The following ALG5 variants were observed in gnomAD, a reference collection of about 807,000 sequenced individuals.
ALG5 encodes the protein dolichyl-phosphate beta-glucosyltransferase.
ALG5 carries 26 observed loss-of-function variants against 51.8 expected under a neutral mutation model. The observed-to-expected ratio is 0.50, with a 90% CI of 0.37 to 0.70. ALG5 has a LOEUF of 0.70. Among genes scored for constraint, ALG5 ranks in the 30% least tolerant of loss-of-function variants. The pLI is 0.00. For missense variants in ALG5, 311 were observed against 399.3 expected (o/e 0.78, Z 1.88); for synonymous variants, 141 against 136.1 (o/e 1.04, Z -0.25).
At chr13:36,988,055 G>C (rs1464866387) in intron 5 of ALG5, among the ~76,000 whole-genome samples, 1 of 152,086 alleles carries the variant, frequency 6.6e-6, no homozygotes, top group Non-Finnish European at 1.5e-5. Flanking sequence ...TCCCCGTCTA[G>C]GCTCCCTGCC....
rs564096429 is a variant in ALG5 at position 36,956,637 on chromosome 13, T to C, written c.774-4038A>G. Among the ~76,000 whole-genome samples, 21 of 152,248 alleles carry C rather than the reference T, an allele frequency of 1.4e-4. No homozygotes were observed. The South Asian group carries it at 3.1e-3, about 23-fold the overall frequency. ...TGTGGTATATGTACACAATGAAATATTATTCAGCCTTGGGCAACCTCCTTT... is the reference window on the plus strand; with the variant it reads ...TGTGGTATATGTACACAATGAAATACTATTCAGCCTTGGGCAACCTCCTTT... On this transcript the variant is annotated intron_variant, in intron 8 of 9. Coordinates refer to ENST00000239891, the MANE Select transcript of ALG5 (RefSeq NM_013338.5).
chr13:36,981,428 C>T (rs560974973), intron 6 of ALG5, among the ~76,000 whole-genome samples: 1 of 152,242 alleles, frequency 6.6e-6, no homozygotes, highest in Non-Finnish European at 1.5e-5. Flanking sequence ...CTATTTCAGT[C>T]GCTATTTTTA....
At chr13:36,961,478 G>C (rs2058866566) in intron 8 of ALG5, among the ~76,000 whole-genome samples, 1 of 152,182 alleles carries the variant, frequency 6.6e-6, no homozygotes, top group African/African-American at 2.4e-5. Context: ...GTAACCTAGA[G>C]ATGATTTAAA....
intron 4 of ALG5, 144 bp downstream of exon 4, chr13:36,993,460 G>A (rs1593686885): frequency 1.5e-6 from 1 of 668,682 alleles, no homozygotes. Flanking sequence ...AATGAAATCT[G>A]TTTTTTCTGC....
chr13:36,958,406 C>T (rs560963707), intron 8 of ALG5, among the ~76,000 whole-genome samples: 1 of 152,256 alleles, frequency 6.6e-6, no homozygotes, highest in South Asian at 2.1e-4. Flanking sequence ...TTTGTCTCTT[C>T]CAGAATTGAA....
At chr13:36,967,942 T>G in intron 7 of ALG5, 2 of 449,116 alleles carry the variant, frequency 4.5e-6, no homozygotes, top group South Asian at 4.6e-5. Flanking sequence ...CAAATAAAAC[T>G]ATTCATGACT....
chr13:36,972,356 G>A (rs1046553685), intron 6 of ALG5, among the ~76,000 whole-genome samples: 1 of 151,998 alleles, frequency 6.6e-6, no homozygotes, highest in Admixed American at 6.6e-5. Context: ...AAAGAAAAGG[G>A]TTATCTGTAG....
intron 7 of ALG5, chr13:36,967,783 T>C (rs2058901988): frequency 5.7e-6 from 7 of 1,231,158 alleles, no homozygotes; most frequent in Middle Eastern, 2.2e-4. Context: ...GGTTGACTGA[T>C]TAAACCTCCA....
chr13:36,980,756 T>C (rs2058975756), intron 6 of ALG5, among the ~76,000 whole-genome samples: 1 of 151,882 alleles, frequency 6.6e-6, no homozygotes. Flanking sequence ...GCAGATCACT[T>C]GAGGCCAGGA....
chr13:36,999,365 C>T, upstream of ALG5: 4 of 1,388,398 alleles, frequency 2.9e-6, no homozygotes, highest in Non-Finnish European at 3.8e-6. Context: ...GCCCGCGCGA[C>T]CCGGCCCCGC....
At chr13:36,991,252 A>C (rs1024673943) in intron 4 of ALG5, among the ~76,000 whole-genome samples, 3 of 152,012 alleles carry the variant, frequency 2.0e-5, no homozygotes, top group African/African-American at 7.3e-5. Context: ...GCCAAACACC[A>C]TTTCTCTTTT....
At chr13:36,959,763 A>AT (rs1370266621) in intron 8 of ALG5, among the ~76,000 whole-genome samples, 7 of 151,048 alleles carry the variant, frequency 4.6e-5, no homozygotes, top group Admixed American at 1.3e-4. Flanking sequence ...GGTAGAATCA[A>AT]TTTTTTTTTC....
intron 6 of ALG5, among the ~76,000 whole-genome samples, chr13:36,978,390 T>C (rs1446872312): frequency 6.6e-6 from 1 of 151,896 alleles, no homozygotes; most frequent in Non-Finnish European, 1.5e-5. Flanking sequence ...TTCTGCCACG[T>C]TGGCCAGGCT....
chr13:36,974,223 T>C (rs2058939402), intron 6 of ALG5, among the ~76,000 whole-genome samples: 1 of 152,182 alleles, frequency 6.6e-6, no homozygotes. Flanking sequence ...ACAGTATGCA[T>C]CTTCCCAATA....
At chr13:36,972,263 C>T (rs541067926) in intron 6 of ALG5, among the ~76,000 whole-genome samples, 88 of 151,986 alleles carry the variant, frequency 5.8e-4, no homozygotes, top group Admixed American at 1.2e-3. Context: ...AAGGGGCATG[C>T]GTTATGTTAA....
At chr13:36,963,489 A>C (rs1449013455) in intron 8 of ALG5, among the ~76,000 whole-genome samples, 1 of 27,198 alleles carries the variant, frequency 3.7e-5, no homozygotes, top group Non-Finnish European at 6.2e-5. Context: ...CTCTGACCCT[A>C]GTTCTGGAGC....
At chr13:36,974,018 TC>T (rs1193119231) in intron 6 of ALG5, among the ~76,000 whole-genome samples, 4 of 152,218 alleles carry the variant, frequency 2.6e-5, no homozygotes, top group African/African-American at 7.2e-5. Context: ...AAAATGACTT[TC>T]ATAGAGTTTA....
rs375172972 is a variant in ALG5, at chr13:36,968,520, T to A, written c.622-2794A>T. 6.5e-4 allele frequency among the ~76,000 whole-genome samples: 99 copies of A among 152,324 alleles called. 1 individual carries two copies. The highest frequency in any genetic ancestry group is 2.4e-3 in the African/African-American group (98 of 41,580). The stretch of plus-strand genomic sequence containing the variant: ...AGACCATATATAAACATTACCGTTA[T>A]ACAGAACACATGGGAATGTAAGCAC... On this transcript the variant is annotated intron_variant, in intron 7 of 9. Coordinates refer to ENST00000239891, the MANE Select transcript of ALG5 (RefSeq NM_013338.5).
At chr13:36,980,439 C>A (rs1316619379) in intron 6 of ALG5, among the ~76,000 whole-genome samples, 5 of 151,978 alleles carry the variant, frequency 3.3e-5, no homozygotes, top group African/African-American at 1.2e-4. Flanking sequence ...GTTGGCCAGG[C>A]TGGTCTCATA....
Sources: allele counts gnomAD v4.1 joint callset (sites outside exome capture counted in the v4.1 genomes callset), GRCh38; gene constraint gnomAD v4.1.1; transcripts MANE v1.5; gene names NCBI Gene and HGNC (gene_info 2026-07-23, HGNC 2026-07-21).